The following TANC1 variants were observed in gnomAD, a reference collection of about 807,000 sequenced individuals.
The protein encoded by TANC1 is tetratricopeptide repeat, ankyrin repeat and coiled-coil containing 1.
TANC1 carries 77 observed loss-of-function variants against 149.7 expected under a neutral mutation model. The ratio of observed to expected loss-of-function variants is 0.51; its 90% CI spans 0.43 to 0.62. TANC1 has a LOEUF of 0.62. Ranked by LOEUF, TANC1 falls within the 20% of genes least tolerant of loss-of-function variation. The pLI is 0.00. For synonymous variants in TANC1, 854 were observed against 925.0 expected (o/e 0.92, Z 1.39); for missense variants, 1,985 against 2,321.8 (o/e 0.85, Z 2.98).
At chr2:159,216,064 C>T (rs928181861) in intron 19 of TANC1, among the ~76,000 whole-genome samples, 3 of 152,132 alleles carry the variant, frequency 2.0e-5, no homozygotes, top group Admixed American at 1.3e-4. Flanking sequence ...TTACTCGTAG[C>T]GTCAGCCTGT....
chr2:159,073,635 A>C (rs1345906373), intron 3 of TANC1, among the ~76,000 whole-genome samples: 1 of 152,214 alleles, frequency 6.6e-6, no homozygotes, highest in African/African-American at 2.4e-5. Flanking sequence ...TTATTTCACA[A>C]ATTTTTATTA....
intron 3 of TANC1, among the ~76,000 whole-genome samples, chr2:159,096,293 ATTTTTTTT>A (rs35914993): frequency 3.1e-5 from 4 of 130,746 alleles, no homozygotes; most frequent in Non-Finnish European, 6.5e-5. Flanking sequence ...GACTGGCTGT[ATTTTTTTT>A]TTTTTTTTTT....
At chr2:158,980,472 A>G (rs2149213933) in intron 1 of TANC1, among the ~76,000 whole-genome samples, 1 of 152,268 alleles carries the variant, frequency 6.6e-6, no homozygotes, top group South Asian at 2.1e-4. Flanking sequence ...ATTAACAATA[A>G]TTTAAAAATA....
chr2:159,221,948 A>G lies in TANC1; in HGVS notation c.3678+2081A>G, dbSNP rs4664272. Among the ~76,000 whole-genome samples the G allele has an allele frequency of 3.5e-3, 540 of 152,328 alleles. 3 individuals carry two copies. Among genetic ancestry groups the G allele is most frequent in the Admixed American group, 0.017 (265 of 15,302 alleles). ...GCTACATGAGAGTTACCAGTTTCCA[A>G]TAATTCAATACATCTAATGGAAGGA... On this transcript the variant is annotated intron_variant, in intron 22 of 26. Coordinates refer to ENST00000263635, the MANE Select transcript of TANC1 (RefSeq NM_033394.3).
intron 2 of TANC1, among the ~76,000 whole-genome samples, chr2:159,035,031 A>G (rs1180768143): frequency 6.6e-6 from 1 of 152,192 alleles, no homozygotes; most frequent in East Asian, 1.9e-4. Context: ...GAACACATAC[A>G]GTAGCCTTTG....
intron 7 of TANC1, among the ~76,000 whole-genome samples, chr2:159,158,470 CA>C (rs2053665605): frequency 6.6e-6 from 1 of 152,076 alleles, no homozygotes; most frequent in Admixed American, 6.5e-5. Context: ...AGTTGAAGTG[CA>C]AAAAGAACTT....
chr2:158,988,992 A>G (rs1208310700), intron 1 of TANC1, among the ~76,000 whole-genome samples: 1 of 152,138 alleles, frequency 6.6e-6, no homozygotes, highest in Non-Finnish European at 1.5e-5. Flanking sequence ...GGTCAGTTTT[A>G]ATGAGTGATA....
chr2:159,115,088 A>G (rs2048101747), intron 4 of TANC1, among the ~76,000 whole-genome samples: 1 of 152,218 alleles, frequency 6.6e-6, no homozygotes, highest in Admixed American at 6.5e-5. Flanking sequence ...GCAAGAGATG[A>G]CAACAGTGAA....
chr2:159,224,282 C>G lies in TANC1; in HGVS notation c.3729C>G (p.Ser1243Arg). 6.2e-7 allele frequency: 1 copy of G among 1,614,174 alleles called. No individual in the cohort carries two copies. Reference protein sequence around the residue: ...KGAVIEHVDHSGMRPLDRAIG... With the variant: ...KGAVIEHVDHRGMRPLDRAIG... ...CCGTGATCGAGCATGTGGACCACAG[C>G]GGGATGCGGCCCTTGGACAGAGCCA... The change falls in exon 23 of 27, where the codon AGC becomes AGG. Residue 1243 changes from serine (S) to arginine (R), a missense_variant. Ser to Arg is a moderately radical substitution (Grantham distance 110). Around this residue, in one of 3 missense-constraint regions of TANC1, gnomAD observed 920 missense variants for 994.7 expected, o/e 0.92. Coordinates refer to ENST00000263635, the MANE Select transcript of TANC1 (RefSeq NM_033394.3).
intron 4 of TANC1, among the ~76,000 whole-genome samples, chr2:159,133,314 G>A (rs12612111): frequency 0.14 from 20,902 of 150,506 alleles, 1,932 homozygotes; most frequent in East Asian, 0.47. Context: ...AACCAAAAGT[G>A]TATATGGGTT....
intron 2 of TANC1, among the ~76,000 whole-genome samples, chr2:159,031,429 A>C (rs2039773031): frequency 6.6e-6 from 1 of 152,320 alleles, no homozygotes; most frequent in Admixed American, 6.5e-5. Flanking sequence ...CTTGCAAGTG[A>C]ATGGGTCTTA....
At chr2:159,117,169 G>A (rs2048348098) in intron 4 of TANC1, among the ~76,000 whole-genome samples, 1 of 152,108 alleles carries the variant, frequency 6.6e-6, no homozygotes, top group Non-Finnish European at 1.5e-5. Flanking sequence ...AAAGTAAAAG[G>A]ACTCTCCTGT....
rs1454662449 is a variant in TANC1 at position 159,163,357 on chromosome 2, A to T, written c.757A>T (p.Arg253Ter). The T allele has an allele frequency of 6.2e-7, 1 of 1,614,200 alleles. No homozygotes were observed. The highest frequency in any genetic ancestry group is 8.5e-7 in the Non-Finnish European group (1 of 1,180,028). The change falls in exon 8 of 27, where the codon AGA (arginine) becomes TGA (stop). Residue 253 changes from arginine to a stop codon, truncating the protein, a stop_gained. Coordinates refer to ENST00000263635, the MANE Select transcript of TANC1 (RefSeq NM_033394.3). LOFTEE classifies it high-confidence loss of function. The part of the protein sequence containing the change: ...SLEWNKDGNL[R>*]LGVQKGVLHD... ...GGAATGGAATAAAGATGGAAACCTA[A>T]GATTAGGGGTTCAGAAGGGAGTGCT...
intron 5 of TANC1, chr2:159,148,405 T>C (rs1160401309): frequency 2.0e-5 from 3 of 152,250 alleles, no homozygotes; most frequent in Non-Finnish European, 2.9e-5. Context: ...AAAAACCAGA[T>C]GACCAACCTC....
At chr2:158,987,996 AG>A (rs1054492423) in intron 1 of TANC1, among the ~76,000 whole-genome samples, 20 of 152,142 alleles carry the variant, frequency 1.3e-4, no homozygotes, top group Admixed American at 1.3e-3. Context: ...CCACAGTTGG[AG>A]GGGATTTTTG....
intron 2 of TANC1, among the ~76,000 whole-genome samples, chr2:159,063,102 GCA>G (rs2149677733): frequency 6.6e-6 from 1 of 151,670 alleles, no homozygotes; most frequent in Admixed American, 6.6e-5. Context: ...AACTGGACCA[GCA>G]CACTCTCTCC....
At chr2:158,994,032 C>A (rs1355552020) in intron 1 of TANC1, among the ~76,000 whole-genome samples, 1 of 152,080 alleles carries the variant, frequency 6.6e-6, no homozygotes, top group African/African-American at 2.4e-5. Context: ...CACTAGTGCC[C>A]TAGTATCTCT....
intron 2 of TANC1, among the ~76,000 whole-genome samples, chr2:159,020,232 G>C (rs1421009532): frequency 1.3e-5 from 2 of 152,170 alleles, no homozygotes; most frequent in Non-Finnish European, 2.9e-5. Context: ...TCCTGCCTCA[G>C]CCTCCTGAGT....
intron 3 of TANC1, among the ~76,000 whole-genome samples, chr2:159,066,381 T>C (rs569758428): frequency 2.0e-5 from 3 of 152,018 alleles, no homozygotes; most frequent in Non-Finnish European, 4.4e-5. Context: ...GCCACTGTAC[T>C]CCAGCCTGGG....
Sources: gnomAD v4.1 joint callset for allele counts (sites outside exome capture counted in the v4.1 genomes callset) on GRCh38, gnomAD v4.1.1 for gene constraint, gnomAD v4.1.1 regional missense constraint, MANE v1.5 for transcripts, NCBI Gene and HGNC (gene_info 2026-07-23, HGNC 2026-07-21) for gene names.